Variants in GTF3C1 observed in about 807,000 individuals in gnomAD.
GTF3C1 encodes general transcription factor IIIC subunit 1.
GTF3C1 carries 57 observed loss-of-function variants against 226.7 expected under a neutral mutation model. That is an observed-to-expected ratio of 0.25 (90% CI 0.20 to 0.31). The LOEUF (loss-of-function observed/expected upper bound fraction) is 0.31, where lower values mean the gene tolerates loss of function less well. Ranked by LOEUF, GTF3C1 falls within the 10% of genes least tolerant of loss-of-function variation. GTF3C1 has a pLI of 1.00. For missense variants in GTF3C1, 2,217 were observed against 2,776.1 expected (o/e 0.80, Z 4.53); for synonymous variants, 1,090 against 1,084.8 (o/e 1.00, Z -0.09).
At chr16:27,504,367 G>A (rs903870954) in intron 10 of GTF3C1, among the ~76,000 whole-genome samples, 28 of 152,208 alleles carry the variant, frequency 1.8e-4, no homozygotes, top group Non-Finnish European at 2.9e-5. Context: ...CTGCTGGAAG[G>A]CCCGGCCTCT....
In GTF3C1 at chr16:27,538,226, T is replaced by C; in HGVS notation, c.562A>G (p.Arg188Gly). The change falls in exon 3 of 37, where the codon AGG becomes GGG. Residue 188 changes from arginine (R) to glycine (G), a missense_variant. Physicochemically the swap from Arg to Gly is moderately radical, Grantham distance 125. This residue lies in a region of GTF3C1 where 192 missense variants were observed against 251.8 expected (regional missense o/e 0.76). Transcript: ENST00000356183. The part of the protein sequence containing the change: ...YCILERLGRS[R>G]WQGELQRDLH... ...TCTCGCTGGAGCTCCCCTTGCCACC[T>C]GGACCGGCCTAGCCGTTCCAGGATG... 2 of 1,600,724 alleles carry C rather than the reference T, an allele frequency of 1.2e-6. No individual in the cohort carries two copies. Among genetic ancestry groups the C allele is most frequent in the Non-Finnish European group, 1.7e-6 (2 of 1,175,334 alleles).
chr16:27,537,009 G>C (rs1453043125), intron 4 of GTF3C1, among the ~76,000 whole-genome samples: 2 of 152,204 alleles, frequency 1.3e-5, no homozygotes, highest in East Asian at 3.8e-4. Flanking sequence ...CCTCAGAAGA[G>C]AATGTGCACA....
chr16:27,492,124 G>T lies in GTF3C1; in HGVS notation c.3151+214C>A, dbSNP rs917969380. On this transcript the variant is annotated intron_variant, in intron 19 of 36. Coordinates refer to ENST00000356183, the MANE Select transcript of GTF3C1 (RefSeq NM_001520.4). The surrounding 1 kb of genome is among the most constrained non-coding windows in gnomAD (Gnocchi z 5.0). ...ATGAAGACAAAGTGCAGCTACTTGGGCTCAACTGAGTGGGGGAACCGGAAG... is the reference window on the plus strand; with the variant it reads ...ATGAAGACAAAGTGCAGCTACTTGGTCTCAACTGAGTGGGGGAACCGGAAG... 6.6e-6 allele frequency among the ~76,000 whole-genome samples: 1 copy of T among 152,178 alleles called. No individual in the cohort carries two copies. Among genetic ancestry groups the T allele is most frequent in the Non-Finnish European group, 1.5e-5 (1 of 68,026 alleles).
intron 24 of GTF3C1, among the ~76,000 whole-genome samples, chr16:27,484,923 C>T (rs189693095): frequency 2.6e-5 from 4 of 152,306 alleles, no homozygotes; most frequent in East Asian, 1.9e-4. Flanking sequence ...TGGTAAGCGG[C>T]GAGAGTCCAT....
Position 27,463,899 on chromosome 16 carries a change from C to A in GTF3C1, c.5873-307G>T. 1 of 446,216 alleles carries A rather than the reference C, an allele frequency of 2.2e-6. No homozygotes were observed. Among genetic ancestry groups the A allele is most frequent in the East Asian group, 4.2e-5 (1 of 23,542 alleles). 27.6% of individuals were successfully genotyped at this position (446,216 alleles called of 1,614,324 possible). A position where few individuals can be genotyped will look rare whatever the true frequency, so the allele number is the denominator to read the frequency against. ...CCCGACCACAAGGGTGGTATAAAAC[C>A]CGAGGCAAAAACACCCCAAAGAAAA... is the stretch of plus-strand genomic sequence containing the variant. On this transcript the variant is annotated intron_variant, in intron 34 of 36. Coordinates refer to ENST00000356183, the MANE Select transcript of GTF3C1 (RefSeq NM_001520.4). This position sits in a 1 kb window ranked among gnomAD's most constrained non-coding sequence, Gnocchi z 4.9.
Position 27,492,248 on chromosome 16 carries a change from C to T in GTF3C1, c.3151+90G>A. The T allele has an allele frequency of 9.0e-6, 7 of 776,112 alleles. No homozygotes were observed. In the South Asian group the frequency reaches 1.2e-4, roughly 13 times the overall value. The allele number at this position is 776,112 out of a possible 1,614,324, so 48.1% of individuals were successfully genotyped here. ...ACTCGGAACATACCACTGGTTGAGGCAACTCCTAGGCTTTTCTAGCCCTAA... is the reference window on the plus strand; with the variant it reads ...ACTCGGAACATACCACTGGTTGAGGTAACTCCTAGGCTTTTCTAGCCCTAA... On this transcript the variant is annotated intron_variant, in intron 19 of 36. Transcript: ENST00000356183. This position sits in a 1 kb window ranked among gnomAD's most constrained non-coding sequence, Gnocchi z 5.0.
At chr16:27,494,944 G>A (rs1406892934) in intron 15 of GTF3C1, 36 bp from the exon 16 acceptor site, 4 of 1,596,628 alleles carry the variant, frequency 2.5e-6, no homozygotes, top group Admixed American at 1.7e-5. Flanking sequence ...CCGGCAGCCA[G>A]GATACCAGTC....
At chr16:27,490,756 G>A (rs1596629548) in intron 19 of GTF3C1, among the ~76,000 whole-genome samples, 1 of 152,094 alleles carries the variant, frequency 6.6e-6, no homozygotes, top group African/African-American at 2.4e-5. Flanking sequence ...TGATTCTTAC[G>A]CAGGCTAATG....
At chr16:27,479,119 A>G (rs1270229058) in intron 27 of GTF3C1, among the ~76,000 whole-genome samples, 2 of 152,224 alleles carry the variant, frequency 1.3e-5, no homozygotes, top group African/African-American at 2.4e-5. Flanking sequence ...TAAGGTTTGT[A>G]TTGCCAACAA....
rs72784374 is a variant in GTF3C1, at chr16:27,528,958, A to G, written c.850-237T>C. On this transcript the variant is annotated intron_variant, in intron 5 of 36. Coordinates refer to ENST00000356183, the MANE Select transcript of GTF3C1 (RefSeq NM_001520.4). The stretch of plus-strand genomic sequence containing the variant: ...AGAGATTCGCTTCGCCAGATCCTGG[A>G]AGGGTGTGCAGGGGTGAGAATGAGG... Among the ~76,000 whole-genome samples, 1,125 of 152,234 alleles carry G rather than the reference A, an allele frequency of 7.4e-3. 6 individuals are homozygous for G. Among genetic ancestry groups the G allele is most frequent in the Middle Eastern group, 0.014 (4 of 294 alleles).
Position 27,498,736 on chromosome 16 carries a change from G to A in GTF3C1, c.2062-3C>T, listed in dbSNP as rs371122254. ...GACGGGTGCACCACCAGATCCACCTGGAGAGAGAGGTTGGAGCATCCCACA... is the reference window on the plus strand; with the variant it reads ...GACGGGTGCACCACCAGATCCACCTAGAGAGAGAGGTTGGAGCATCCCACA... On this transcript the variant is annotated splice_polypyrimidine_tract_variant and splice_region_variant and intron_variant, in intron 12 of 36. Transcript: ENST00000356183. The A allele has an allele frequency of 2.0e-6, 3 of 1,479,022 alleles. No individual in the cohort carries two copies. Among genetic ancestry groups the A allele is most frequent in the African/African-American group, 2.8e-5 (2 of 72,266 alleles). The allele number at this position is 1,479,022 out of a possible 1,614,324, so 91.6% of individuals were successfully genotyped here. A position where few individuals can be genotyped will look rare whatever the true frequency, so the allele number is the denominator to read the frequency against.
intron 6 of GTF3C1, among the ~76,000 whole-genome samples, chr16:27,521,837 T>C (rs2088755105): frequency 6.6e-6 from 1 of 152,236 alleles, no homozygotes; most frequent in African/African-American, 2.4e-5. Context: ...TTCTGCTTTT[T>C]TTCTGTTCAT....
In GTF3C1 at chr16:27,501,272, G is replaced by A; in HGVS notation, c.1980C>T (p.Val660=). The A allele has an allele frequency of 6.2e-7, 1 of 1,613,990 alleles. No individual in the cohort carries two copies. The highest frequency in any genetic ancestry group is 8.5e-7 in the Non-Finnish European group (1 of 1,179,836). Residue 660 remains valine (V), a synonymous_variant, in exon 12 of 37, where the codon GTC becomes GTT. Coordinates refer to ENST00000356183, the MANE Select transcript of GTF3C1 (RefSeq NM_001520.4). ...VSTKCCKKSI[V]RLVRNLSEEG... Reference sequence around the variant, plus strand: ...CCTCAGACAGGTTCCGCACCAAGCGGACAATGGACTTCTTGCAGCACTTGG... The same window carrying A: ...CCTCAGACAGGTTCCGCACCAAGCGAACAATGGACTTCTTGCAGCACTTGG...
chr16:27,537,951 C>A (rs780267244), intron 3 of GTF3C1, 24 bp from the exon 4 acceptor site: 2 of 1,610,152 alleles, frequency 1.2e-6, no homozygotes, highest in Non-Finnish European at 1.7e-6. Context: ...GGAGCCATGT[C>A]ATTTGCTTTG....
At chr16:27,549,475 G>A (rs1380681765) in intron 1 of GTF3C1, among the ~76,000 whole-genome samples, 195 bp downstream of exon 1, 1 of 148,778 alleles carries the variant, frequency 6.7e-6, no homozygotes, top group Non-Finnish European at 1.5e-5. Context: ...CCCTCCCCCC[G>A]CCAACTCCAT....
At chr16:27,485,263 C>T (rs578120986) in intron 24 of GTF3C1, among the ~76,000 whole-genome samples, 124 of 152,356 alleles carry the variant, frequency 8.1e-4, no homozygotes, top group African/African-American at 1.3e-3. Flanking sequence ...GAGGCACACC[C>T]GGGCTCCTCC....
chr16:27,482,537 G>C (rs1281988152), intron 26 of GTF3C1: 1 of 456,052 alleles, frequency 2.2e-6, no homozygotes, highest in Admixed American at 2.3e-5. Context: ...GGAAAAGGTA[G>C]CCTCTCCTTG....
Position 27,496,853 on chromosome 16 carries a change from CCG to C in GTF3C1, c.2350+782_2350+783del, listed in dbSNP as rs1168147491. On this transcript the variant is annotated intron_variant, in intron 14 of 36. Transcript: ENST00000356183. ...GTCAGAAGGCCCACCCGAGGAACAC[CCG>C]CGCTGCCCCTGGTCCATTCGAGTGC... Among the ~76,000 whole-genome samples the C allele has an allele frequency of 3.3e-5, 5 of 152,332 alleles. No homozygotes were observed. The South Asian group carries it at 1.0e-3, about 32-fold the overall frequency.
At chr16:27,512,546 A>C (rs1385753545) in intron 6 of GTF3C1, among the ~76,000 whole-genome samples, 1 of 152,216 alleles carries the variant, frequency 6.6e-6, no homozygotes, top group Non-Finnish European at 1.5e-5. Flanking sequence ...CTACAAAAAA[A>C]CCAGCAATGG....
Sources: allele counts gnomAD v4.1 joint callset (sites outside exome capture counted in the v4.1 genomes callset), GRCh38; gene constraint gnomAD v4.1.1; regional missense constraint gnomAD v4.1.1; non-coding constraint Gnocchi (gnomAD v3.1); transcripts MANE v1.5; gene names NCBI Gene and HGNC (gene_info 2026-07-23, HGNC 2026-07-21).